SNAP29: variants seen among roughly 807,000 people sequenced by gnomAD.
SNAP29 encodes synaptosome associated protein 29.
Under a neutral mutation model 27.9 loss-of-function variants are expected in SNAP29, and 13 were observed. That is an observed-to-expected ratio of 0.47 (90% confidence interval 0.30 to 0.74). The LOEUF (loss-of-function observed/expected upper bound fraction) is 0.74. SNAP29 is among the 30% of genes least tolerant of loss of function. The pLI, the probability that SNAP29 is intolerant of heterozygous loss-of-function variation, is 0.06. For synonymous variants in SNAP29, 119 were observed against 127.1 expected (o/e 0.94, Z 0.43); for missense variants, 368 against 336.5 (o/e 1.09, Z -0.73).
intron 1 of SNAP29, among the ~76,000 whole-genome samples, chr22:20,867,284 G>A (rs1928482486): frequency 6.6e-6 from 1 of 151,872 alleles, no homozygotes; most frequent in Non-Finnish European, 1.5e-5. Context: ...GTCCGTTCAG[G>A]GACCTCATTC....
At chr22:20,870,834 T>G in intron 2 of SNAP29, 2 of 442,876 alleles carry the variant, frequency 4.5e-6, no homozygotes, top group Non-Finnish European at 8.4e-6. Context: ...TCACATAATT[T>G]TTGCTTTAAA....
At chr22:20,874,182 T>G (rs362054) in intron 2 of SNAP29, among the ~76,000 whole-genome samples, 147,570 of 147,584 alleles carry the variant, frequency 1, 73,778 homozygotes, top group Middle Eastern at 1. Flanking sequence ...GGGTGAGAAA[T>G]GTGTATGGCG....
At chr22:20,872,820 C>CTTTTTTTTTTT (rs361677) in intron 2 of SNAP29, among the ~76,000 whole-genome samples, 2 of 39,878 alleles carry the variant, frequency 5.0e-5, no homozygotes, top group Admixed American at 4.2e-4. Context: ...CCACGCCAGG[C>CTTTTTTTTTTT]TTTTTTTTTT....
At chr22:20,878,010 C>A (rs1928789085) in intron 2 of SNAP29, among the ~76,000 whole-genome samples, 1 of 152,142 alleles carries the variant, frequency 6.6e-6, no homozygotes, top group Non-Finnish European at 1.5e-5. Flanking sequence ...AGTGTTAAAT[C>A]CTTCCATTCA....
intron 1 of SNAP29, among the ~76,000 whole-genome samples, chr22:20,867,866 T>C (rs971898670): frequency 1.1e-4 from 16 of 151,710 alleles, no homozygotes; most frequent in African/African-American, 3.6e-4. Flanking sequence ...GGTGGGAGGG[T>C]GAGTGGTCGT....
At position 20,861,994 on chromosome 22, in the gene SNAP29, G is replaced by A. The variant is rs77560981; in HGVS notation, c.237+2647G>A. ...CATGTTGGGCAGGCTGGTCTCAAAC[G>A]CCTGACCTTAGGTGATCTGCCCACC... On this transcript the variant is annotated intron_variant, in intron 1 of 4. Transcript: ENST00000215730. 3.4e-4 allele frequency among the ~76,000 whole-genome samples: 51 copies of A among 152,212 alleles called. No individual in the cohort carries two copies. The East Asian group carries it at 8.1e-3, about 24-fold the overall frequency.
At chr22:20,868,896 C>T (rs548978886) in intron 1 of SNAP29, among the ~76,000 whole-genome samples, 1 of 152,332 alleles carries the variant, frequency 6.6e-6, no homozygotes, top group Admixed American at 6.5e-5. Context: ...GACCATCAGG[C>T]TGCCACTGTG....
chr22:20,859,444 G>A, intron 1 of SNAP29, 97 bp downstream of exon 1: 1 of 948,628 alleles, frequency 1.1e-6, no homozygotes, highest in Non-Finnish European at 1.7e-6. Context: ...GAATTCTCAA[G>A]TTGCCTAGCA....
At chr22:20,875,449 T>C (rs6004715) in intron 2 of SNAP29, among the ~76,000 whole-genome samples, 8,788 of 152,110 alleles carry the variant, frequency 0.058, 842 homozygotes, top group African/African-American at 0.2. Flanking sequence ...TTGGAAGATA[T>C]GGGGGAGGCA....
chr22:20,877,359 C>T (rs1375800269), intron 2 of SNAP29, among the ~76,000 whole-genome samples: 2 of 152,160 alleles, frequency 1.3e-5, no homozygotes, highest in African/African-American at 4.8e-5. Context: ...GAGTTCGAGA[C>T]CAGCCTCACC....
In SNAP29 at chr22:20,887,383, T is replaced by C. The variant is rs574176842; in HGVS notation, c.620-296T>C. 2.6e-5 allele frequency among the ~76,000 whole-genome samples: 4 copies of C among 152,104 alleles called. No individual in the cohort carries two copies. In the South Asian group the frequency reaches 6.2e-4, roughly 24 times the overall value. ...CTCTTCTCTCTCCTCTCTGGCTCTT[T>C]CCTGGCTGCTGTTCCTAGTAAAAAG... On this transcript the variant is annotated intron_variant, in intron 4 of 4. Coordinates refer to ENST00000215730, the MANE Select transcript of SNAP29 (RefSeq NM_004782.4).
intron 1 of SNAP29, among the ~76,000 whole-genome samples, chr22:20,865,443 G>C (rs912324414): frequency 2.2e-4 from 33 of 152,146 alleles, no homozygotes; most frequent in African/African-American, 7.5e-4. Context: ...TGGGCTGGTT[G>C]TTCGAGCTTC....
chr22:20,888,090 T>C lies in SNAP29; in HGVS notation c.*254T>C. 1 of 482,668 alleles carries C rather than the reference T, an allele frequency of 2.1e-6. No homozygotes were observed. The highest frequency in any genetic ancestry group is 2.1e-5 in the South Asian group (1 of 47,272). The allele number at this position is 482,668 out of a possible 1,614,324, so 29.9% of individuals were successfully genotyped here. ...TTGTCTGAGCACAGTAGCCTGGCCC[T>C]GCATATCTTGGGCGTTTGATTACCA... On this transcript the variant is annotated 3_prime_UTR_variant, in exon 5 of 5. Transcript: ENST00000215730.
chr22:20,884,141 T>G (rs1268181105), intron 4 of SNAP29, among the ~76,000 whole-genome samples: 2 of 152,100 alleles, frequency 1.3e-5, no homozygotes, highest in African/African-American at 4.8e-5. Context: ...AAGACCAGCC[T>G]GACCAACATG....
At chr22:20,859,703 A>C in intron 1 of SNAP29, 1 of 322,888 alleles carries the variant, frequency 3.1e-6, no homozygotes, top group Non-Finnish European at 5.8e-6. Context: ...TTTCTTCGAC[A>C]TTATTTCCTG....
intron 4 of SNAP29, among the ~76,000 whole-genome samples, chr22:20,885,717 G>A: frequency 6.6e-6 from 1 of 152,244 alleles, no homozygotes; most frequent in South Asian, 2.1e-4. Flanking sequence ...CAGCTGGGCA[G>A]TTACCGGCAG....
rs575240461 is a variant in SNAP29, at chr22:20,888,311, T to TCACACACACACACACACACA, written c.*501_*520dup. 235 of 174,520 alleles carry TCACACACACACACACACACA rather than the reference T, an allele frequency of 1.3e-3. No homozygotes were observed. Among genetic ancestry groups the TCACACACACACACACACACA allele is most frequent in the African/African-American group, 7.2e-3 (213 of 29,712 alleles). 10.8% of individuals were successfully genotyped at this position (174,520 alleles called of 1,614,324 possible). ...CACACCTTTGTTTAGGAGTCATCAT[T>TCACACACACACACACACACA]CACACACACACACACACACACACAC... is the stretch of plus-strand genomic sequence containing the variant. On this transcript the variant is annotated 3_prime_UTR_variant, in exon 5 of 5. Coordinates refer to ENST00000215730, the MANE Select transcript of SNAP29 (RefSeq NM_004782.4).
At chr22:20,880,664 G>C (rs1928869107) in intron 2 of SNAP29, among the ~76,000 whole-genome samples, 1 of 152,168 alleles carries the variant, frequency 6.6e-6, no homozygotes, top group African/African-American at 2.4e-5. Context: ...TTCCCTGAGA[G>C]AGGGCCACCT....
chr22:20,881,070 A>C lies in SNAP29; in HGVS notation c.456A>C (p.Thr152=). 2.5e-6 allele frequency: 4 copies of C among 1,612,416 alleles called. No individual in the cohort carries two copies. The highest frequency in any genetic ancestry group is 3.4e-6 in the Non-Finnish European group (4 of 1,178,398). Residue 152 remains threonine (T), a synonymous_variant, in exon 3 of 5, where the codon ACA becomes ACC. Coordinates refer to ENST00000215730, the MANE Select transcript of SNAP29 (RefSeq NM_004782.4). ...AAAGATTGAAAGAAGCTATAAGTACAAGTAAAGAACAGGAAGCAAAGTACC... is the reference window on the plus strand; with the variant it reads ...AAAGATTGAAAGAAGCTATAAGTACCAGTAAAGAACAGGAAGCAAAGTACC... ...PNNRLKEAIS[T]SKEQEAKYQA...
Sources: gnomAD v4.1 joint callset for allele counts (sites outside exome capture counted in the v4.1 genomes callset) on GRCh38, gnomAD v4.1.1 for gene constraint, MANE v1.5 for transcripts, NCBI Gene and HGNC (gene_info 2026-07-23, HGNC 2026-07-21) for gene names.